The following XRCC4 variants were observed in gnomAD, a reference collection of about 807,000 sequenced individuals.
XRCC4 encodes DNA repair protein XRCC4.
Under a neutral mutation model 39.1 loss-of-function variants are expected in XRCC4, and 28 were observed. That is an observed-to-expected ratio of 0.72 (90% CI 0.53 to 0.98). XRCC4 has a LOEUF of 0.98. XRCC4 is among the 50% of genes least tolerant of loss of function. XRCC4 has a pLI of 0.00. For missense variants in XRCC4, 350 were observed against 376.4 expected, an observed-to-expected ratio of 0.93 and a Z score of 0.58; for synonymous variants, 123 against 126.4, an observed-to-expected ratio of 0.97 and a Z score of 0.18.
intron 3 of XRCC4, among the ~76,000 whole-genome samples, chr5:83,184,847 G>A (rs1198475676): frequency 6.6e-6 from 1 of 152,054 alleles, no homozygotes; most frequent in East Asian, 1.9e-4. Flanking sequence ...ACTCGAGAGT[G>A]TAGTTTTTTT....
At chr5:83,087,804 CTTCTT>C (rs1264357541) in intron 1 of XRCC4, among the ~76,000 whole-genome samples, 1 of 151,806 alleles carries the variant, frequency 6.6e-6, no homozygotes, top group East Asian at 1.9e-4. Flanking sequence ...GTGTATGTCT[CTTCTT>C]TATTTGGTTT....
chr5:83,151,431 A>G (rs893206562), intron 3 of XRCC4, among the ~76,000 whole-genome samples: 1 of 152,190 alleles, frequency 6.6e-6, no homozygotes, highest in African/African-American at 2.4e-5. Context: ...AGAAGAAATT[A>G]TGTTTTCCTT....
intron 1 of XRCC4, among the ~76,000 whole-genome samples, chr5:83,093,132 T>C (rs903946782): frequency 6.6e-6 from 1 of 151,920 alleles, no homozygotes; most frequent in Admixed American, 6.6e-5. Flanking sequence ...AAAGATATTC[T>C]ACACAAATGG....
intron 1 of XRCC4, among the ~76,000 whole-genome samples, chr5:83,092,240 C>T (rs539037554): frequency 6.6e-6 from 1 of 152,122 alleles, no homozygotes; most frequent in African/African-American, 2.4e-5. Flanking sequence ...TTGATTTCCT[C>T]TTATACTTTG....
chr5:83,263,246 G>T (rs1753827711), intron 7 of XRCC4, among the ~76,000 whole-genome samples: 1 of 151,746 alleles, frequency 6.6e-6, no homozygotes, highest in African/African-American at 2.4e-5. Context: ...GACTATCATT[G>T]TTGGACATTT....
At chr5:83,299,290 G>C (rs919005497) in intron 7 of XRCC4, among the ~76,000 whole-genome samples, 5 of 152,086 alleles carry the variant, frequency 3.3e-5, no homozygotes, top group Admixed American at 3.3e-4. Context: ...CTCCTTTGGC[G>C]GTAATCCATC....
At chr5:83,178,649 C>G (rs375509269) in intron 3 of XRCC4, among the ~76,000 whole-genome samples, 1 of 152,010 alleles carries the variant, frequency 6.6e-6, no homozygotes, top group African/African-American at 2.4e-5. Flanking sequence ...AGGAGGAAGG[C>G]AGTAGTAAAG....
chr5:83,089,473 A>G (rs1745323502), intron 1 of XRCC4, among the ~76,000 whole-genome samples: 1 of 152,202 alleles, frequency 6.6e-6, no homozygotes. Flanking sequence ...TCATAACTCC[A>G]ATTCTCTAAC....
chr5:83,233,099 G>A (rs368603494), intron 6 of XRCC4, among the ~76,000 whole-genome samples: 1 of 152,228 alleles, frequency 6.6e-6, no homozygotes, highest in African/African-American at 2.4e-5. Flanking sequence ...TTAATGTAAA[G>A]AATATTGAAG....
intron 1 of XRCC4, among the ~76,000 whole-genome samples, chr5:83,081,512 A>G (rs774727922): frequency 4.6e-5 from 7 of 152,184 alleles, no homozygotes; most frequent in Non-Finnish European, 8.8e-5. Flanking sequence ...TTTTTGTTAA[A>G]TAAGTAGAGT....
At chr5:83,265,235 G>T (rs1248804818) in intron 7 of XRCC4, among the ~76,000 whole-genome samples, 3 of 151,984 alleles carry the variant, frequency 2.0e-5, no homozygotes, top group Admixed American at 6.6e-5. Flanking sequence ...TTTGGTACCT[G>T]AACTATAGAC....
At chr5:83,227,804 A>G (rs537030067) in intron 6 of XRCC4, among the ~76,000 whole-genome samples, 3 of 152,218 alleles carry the variant, frequency 2.0e-5, no homozygotes, top group African/African-American at 7.2e-5. Context: ...AAAAAAATGT[A>G]ACATTGCAGA....
intron 7 of XRCC4, among the ~76,000 whole-genome samples, chr5:83,313,423 A>C (rs932377500): frequency 6.6e-6 from 1 of 152,148 alleles, no homozygotes; most frequent in Admixed American, 6.5e-5. Context: ...TTTCCATAGT[A>C]CATGTAACCA....
intron 3 of XRCC4, among the ~76,000 whole-genome samples, chr5:83,115,080 A>AC (rs1168842404): frequency 6.6e-6 from 1 of 151,690 alleles, no homozygotes; most frequent in Admixed American, 6.6e-5. Flanking sequence ...GGAAAGACCC[A>AC]CCCCCATGAT....
intron 7 of XRCC4, among the ~76,000 whole-genome samples, chr5:83,285,869 C>T (rs115112805): frequency 2.0e-3 from 311 of 152,252 alleles, no homozygotes; most frequent in African/African-American, 7.2e-3. Flanking sequence ...TCCACTGTCA[C>T]TTCACCCTCC....
At chr5:83,215,651 AG>A (rs1466725886) in intron 6 of XRCC4, among the ~76,000 whole-genome samples, 2 of 152,236 alleles carry the variant, frequency 1.3e-5, no homozygotes, top group Non-Finnish European at 2.9e-5. Flanking sequence ...TCTAGAATTG[AG>A]ACTGTAGAAG....
chr5:83,120,749 A>G (rs1429744738), intron 3 of XRCC4, among the ~76,000 whole-genome samples: 5 of 152,194 alleles, frequency 3.3e-5, no homozygotes, highest in Non-Finnish European at 5.9e-5. Context: ...TCATGTCTAA[A>G]TCTTTTTGTG....
At chr5:83,319,048 G>A (rs1561472804) in intron 7 of XRCC4, among the ~76,000 whole-genome samples, 1 of 69,766 alleles carries the variant, frequency 1.4e-5, no homozygotes, top group Non-Finnish European at 2.5e-5. Flanking sequence ...CAGAAATAAT[G>A]CCGCATATCT....
intron 7 of XRCC4, among the ~76,000 whole-genome samples, chr5:83,266,971 C>T (rs181017027): frequency 9.2e-5 from 14 of 152,190 alleles, no homozygotes; most frequent in African/African-American, 3.1e-4. Flanking sequence ...AGCACACATA[C>T]GTTGTTTGCT....
Sources: allele counts gnomAD v4.1 joint callset (sites outside exome capture counted in the v4.1 genomes callset), GRCh38; gene constraint gnomAD v4.1.1; transcripts MANE v1.5; gene names NCBI Gene and HGNC (gene_info 2026-07-23, HGNC 2026-07-21).